FAM110B: variants seen among roughly 807,000 people sequenced by gnomAD.
FAM110B encodes family with sequence similarity 110 member B, also known as protein FAM110B.
In FAM110B, 6 loss-of-function variants were observed where a neutral mutation model predicts 20.4. The ratio of observed to expected loss-of-function variants is 0.29; its 90% CI spans 0.16 to 0.58. FAM110B has a LOEUF of 0.58. Among genes scored for constraint, FAM110B ranks in the 20% least tolerant of loss-of-function variants. FAM110B has a pLI of 0.90. For missense variants in FAM110B, 434 were observed against 498.2 expected (o/e 0.87, Z 1.23); for synonymous variants, 226 against 214.1 (o/e 1.06, Z -0.49).
intron 3 of FAM110B, among the ~76,000 whole-genome samples, chr8:58,110,154 A>T (rs753274308): frequency 6.6e-6 from 1 of 152,168 alleles, no homozygotes; most frequent in Non-Finnish European, 1.5e-5. Context: ...TTCATTTTTT[A>T]TATTTGGACT....
At chr8:58,107,418 A>C (rs1806946586) in intron 3 of FAM110B, among the ~76,000 whole-genome samples, 1 of 152,192 alleles carries the variant, frequency 6.6e-6, no homozygotes, top group South Asian at 2.1e-4. Context: ...CCACTGCATT[A>C]TACATAGCAA....
chr8:58,145,747 G>T (rs1002990581), intron 3 of FAM110B, among the ~76,000 whole-genome samples, 160 bp from the exon 4 acceptor site: 1 of 152,118 alleles, frequency 6.6e-6, no homozygotes, highest in Non-Finnish European at 1.5e-5. Context: ...GCAAGGCCCG[G>T]GTCGTCCCCC....
chr8:58,069,275 A>AGT (rs1431989394), intron 2 of FAM110B, among the ~76,000 whole-genome samples: 1 of 152,234 alleles, frequency 6.6e-6, no homozygotes, highest in African/African-American at 2.4e-5. Flanking sequence ...ATTAGAGCTT[A>AGT]GTATAGAGCC....
intron 2 of FAM110B, among the ~76,000 whole-genome samples, chr8:58,059,016 G>T (rs1805603854): frequency 6.6e-6 from 1 of 152,144 alleles, no homozygotes; most frequent in Non-Finnish European, 1.5e-5. Flanking sequence ...TGAGTTAGTT[G>T]TATTAAAGCA....
At chr8:58,127,883 G>C (rs1241600695) in intron 3 of FAM110B, among the ~76,000 whole-genome samples, 1 of 152,152 alleles carries the variant, frequency 6.6e-6, no homozygotes, top group Non-Finnish European at 1.5e-5. Context: ...TTTCCTCAAA[G>C]TAAACAGGTT....
chr8:58,097,027 C>A (rs565699580), intron 3 of FAM110B, among the ~76,000 whole-genome samples: 2 of 152,080 alleles, frequency 1.3e-5, no homozygotes, highest in Non-Finnish European at 2.9e-5. Context: ...GTCTTGAGGT[C>A]GCTCTTCTCG....
At chr8:58,079,745 C>CA (rs1806142608) in intron 3 of FAM110B, among the ~76,000 whole-genome samples, 1 of 151,806 alleles carries the variant, frequency 6.6e-6, no homozygotes, top group Non-Finnish European at 1.5e-5. Flanking sequence ...CATGCCACTG[C>CA]ACTCCAGCCT....
At chr8:57,996,345 T>C (rs1023908754) in intron 1 of FAM110B, among the ~76,000 whole-genome samples, 6 of 152,254 alleles carry the variant, frequency 3.9e-5, no homozygotes, top group African/African-American at 1.4e-4. Context: ...ATTTTTCTTA[T>C]CAAGCTATGT....
At chr8:58,015,358 A>G (rs1804617120) in intron 1 of FAM110B, among the ~76,000 whole-genome samples, 1 of 151,026 alleles carries the variant, frequency 6.6e-6, no homozygotes, top group Admixed American at 6.6e-5. Flanking sequence ...CTCTGTCTCA[A>G]AAAAAAAAGA....
At chr8:58,092,890 A>C (rs754298930) in intron 3 of FAM110B, among the ~76,000 whole-genome samples, 1 of 152,146 alleles carries the variant, frequency 6.6e-6, no homozygotes, top group East Asian at 1.9e-4. Flanking sequence ...CTATTTCTCC[A>C]CATCCTCTCT....
chr8:58,085,529 A>G (rs1268070517), intron 3 of FAM110B, among the ~76,000 whole-genome samples: 2 of 152,156 alleles, frequency 1.3e-5, no homozygotes, highest in Admixed American at 1.3e-4. Context: ...ACAAACAAAA[A>G]GTTGATACAC....
At chr8:58,109,266 GAATC>G (rs2150617766) in intron 3 of FAM110B, among the ~76,000 whole-genome samples, 1 of 152,234 alleles carries the variant, frequency 6.6e-6, no homozygotes, top group African/African-American at 2.4e-5. Context: ...AAGGAAGTTT[GAATC>G]AATTACCAAC....
chr8:58,123,155 C>T (rs1358879434), intron 3 of FAM110B, among the ~76,000 whole-genome samples: 1 of 152,180 alleles, frequency 6.6e-6, no homozygotes, highest in Admixed American at 6.5e-5. Flanking sequence ...CCAAGGACCC[C>T]CTGGATGCTG....
intron 3 of FAM110B, among the ~76,000 whole-genome samples, chr8:58,101,323 A>G (rs1461899224): frequency 2.0e-5 from 3 of 152,366 alleles, no homozygotes; most frequent in Non-Finnish European, 2.9e-5. Flanking sequence ...CATTTAATAA[A>G]TGAAGTCTTG....
chr8:58,122,515 A>C (rs965752790), intron 3 of FAM110B, among the ~76,000 whole-genome samples: 5 of 151,742 alleles, frequency 3.3e-5, no homozygotes, highest in African/African-American at 1.2e-4. Context: ...AACTTTTGTC[A>C]TTTTACTTTC....
chr8:58,014,552 A>G (rs990641195), intron 1 of FAM110B, among the ~76,000 whole-genome samples: 4 of 152,224 alleles, frequency 2.6e-5, no homozygotes, highest in Admixed American at 6.5e-5. Context: ...AAGGGCAGAA[A>G]GGGTTGTAAA....
In FAM110B at chr8:58,106,015, A is replaced by T. The variant is rs139323378; in HGVS notation, c.-325+30392A>T. ...CCAATATAAATAAATACACTGTTGTAGTCCATTGAATTAGAACAAAAGTGT... is the reference window on the plus strand; with the variant it reads ...CCAATATAAATAAATACACTGTTGTTGTCCATTGAATTAGAACAAAAGTGT... On this transcript the variant is annotated intron_variant, in intron 3 of 3. Transcript: ENST00000519262. Among the ~76,000 whole-genome samples, 545 of 152,348 alleles carry T rather than the reference A, an allele frequency of 3.6e-3. 3 individuals are homozygous for T. Among genetic ancestry groups the T allele is most frequent in the African/African-American group, 0.013 (527 of 41,580 alleles).
intron 2 of FAM110B, among the ~76,000 whole-genome samples, chr8:58,047,656 C>T (rs1053134274): frequency 3.7e-5 from 5 of 136,730 alleles, no homozygotes; most frequent in Admixed American, 7.5e-5. Context: ...AATCAAGTCA[C>T]GGTCCTTAGT....
chr8:58,109,998 T>C (rs1807022936), intron 3 of FAM110B, among the ~76,000 whole-genome samples: 1 of 152,244 alleles, frequency 6.6e-6, no homozygotes, highest in Non-Finnish European at 1.5e-5. Flanking sequence ...GATTCTTCTC[T>C]TCCATCACTG....
Sources: allele counts gnomAD v4.1 joint callset (sites outside exome capture counted in the v4.1 genomes callset), GRCh38; gene constraint gnomAD v4.1.1; transcripts MANE v1.5; gene names NCBI Gene and HGNC (gene_info 2026-07-23, HGNC 2026-07-21).